The following RNLS variants were observed in gnomAD, a reference collection of about 807,000 sequenced individuals.
RNLS encodes the protein renalase, FAD dependent amine oxidase.
RNLS carries 39 observed loss-of-function variants against 39.8 expected under a neutral mutation model. The observed-to-expected ratio is 0.98, with a 90% confidence interval of 0.76 to 1.28. RNLS has a LOEUF of 1.28. Among genes scored for constraint, RNLS ranks in the 50% most tolerant of loss-of-function variants. The pLI, the probability that RNLS is intolerant of heterozygous loss-of-function variation, is 0.00. For missense variants in RNLS, 410 were observed against 413.3 expected (o/e 0.99, Z 0.07); for synonymous variants, 147 against 150.7 (o/e 0.98, Z 0.18).
the RNLS span, among the ~76,000 whole-genome samples, chr10:88,237,660 G>A: frequency 6.6e-6 from 1 of 152,132 alleles, no homozygotes; most frequent in East Asian, 1.9e-4. Context: ...AAGTAGCAGA[G>A]AATGATGCTT....
At chr10:88,340,811 C>T (rs948888394) in intron 5 of RNLS, among the ~76,000 whole-genome samples, 9 of 152,158 alleles carry the variant, frequency 5.9e-5, no homozygotes, top group Non-Finnish European at 1.2e-4. Context: ...CCTGTAATCC[C>T]AGCACTTTGG....
the RNLS span, among the ~76,000 whole-genome samples, chr10:88,174,394 G>C: frequency 1.3e-5 from 2 of 151,892 alleles, no homozygotes; most frequent in African/African-American, 4.8e-5. Flanking sequence ...GTTAGCTGTG[G>C]GTTTGTCATA....
At chr10:88,506,193 A>G (rs1845783260) in intron 4 of RNLS, among the ~76,000 whole-genome samples, 1 of 152,130 alleles carries the variant, frequency 6.6e-6, no homozygotes, top group African/African-American at 2.4e-5. Context: ...ACAAAGAACA[A>G]AAAAAGCAGA....
At chr10:88,208,357 C>T in the RNLS span, among the ~76,000 whole-genome samples, 2 of 151,854 alleles carry the variant, frequency 1.3e-5, no homozygotes, top group East Asian at 3.9e-4. Flanking sequence ...TCTCCATACC[C>T]CAGAACTTAG....
downstream of RNLS, among the ~76,000 whole-genome samples, chr10:88,281,177 C>T (rs1178551952): frequency 6.6e-6 from 1 of 152,180 alleles, no homozygotes; most frequent in Non-Finnish European, 1.5e-5. Flanking sequence ...TCTCCTGCCA[C>T]AGACCTCTTT....
chr10:88,171,963 G>C, the RNLS span, among the ~76,000 whole-genome samples: 1 of 152,066 alleles, frequency 6.6e-6, no homozygotes, highest in Non-Finnish European at 1.5e-5. Flanking sequence ...TCCAGGCTTG[G>C]CCATATTGTG....
intron 4 of RNLS, among the ~76,000 whole-genome samples, chr10:88,520,177 A>G (rs112008496): frequency 5.3e-5 from 8 of 152,060 alleles, no homozygotes; most frequent in African/African-American, 1.9e-4. Flanking sequence ...CTTTAGTGAG[A>G]AGTTCTTTGT....
In RNLS at chr10:88,480,458, G is replaced by A. The variant is rs112198496; in HGVS notation, c.526+92445C>T. On this transcript the variant is annotated intron_variant, in intron 4 of 6. Coordinates refer to ENST00000331772, the MANE Select transcript of RNLS (RefSeq NM_001031709.3). ...TTTTTTGAGACGGAGTCTCACTCTTGTTGCCTAGGCGGGAGTGCAATGGTG... is the reference window on the plus strand; with the variant it reads ...TTTTTTGAGACGGAGTCTCACTCTTATTGCCTAGGCGGGAGTGCAATGGTG... Among the ~76,000 whole-genome samples, 404 of 152,326 alleles carry A rather than the reference G, an allele frequency of 2.7e-3. 2 individuals carry two copies. The highest frequency in any genetic ancestry group is 8.9e-3 in the African/African-American group (371 of 41,578).
rs59527333 is a variant in RNLS, at chr10:88,330,070, G to GATATATATATATATATATAT, written c.701-15449_701-15430dup. On this transcript the variant is annotated intron_variant, in intron 5 of 6. Coordinates refer to ENST00000331772, the MANE Select transcript of RNLS (RefSeq NM_001031709.3). ...TTGCATGGTTTTCTGTCTGTTTTGA[G>GATATATATATATATATATAT]ATATATATATATATATATATAAATA... Among the ~76,000 whole-genome samples the GATATATATATATATATATAT allele has an allele frequency of 6.4e-5, 9 of 140,524 alleles. No individual in the cohort carries two copies. In the South Asian group the frequency reaches 1.1e-3, roughly 17 times the overall value. The allele number at this position is 140,524 out of a possible 152,430, so 92.2% of individuals were successfully genotyped here.
At chr10:88,210,605 T>C in the RNLS span, among the ~76,000 whole-genome samples, 1 of 152,146 alleles carries the variant, frequency 6.6e-6, no homozygotes, top group African/African-American at 2.4e-5. Context: ...CACAGAACAA[T>C]TGTAACATTT....
chr10:88,189,808 TG>T, the RNLS span, among the ~76,000 whole-genome samples: 1 of 152,238 alleles, frequency 6.6e-6, no homozygotes, highest in Non-Finnish European at 1.5e-5. Context: ...AGCGAAGCAC[TG>T]GGGGATGAAA....
intron 4 of RNLS, among the ~76,000 whole-genome samples, chr10:88,427,225 G>T (rs1033945386): frequency 2.6e-5 from 4 of 151,954 alleles, no homozygotes; most frequent in African/African-American, 4.8e-5. Flanking sequence ...ATTACCTTAT[G>T]GTTATCAGCC....
intron 4 of RNLS, among the ~76,000 whole-genome samples, chr10:88,458,191 A>C (rs1230572423): frequency 6.6e-6 from 1 of 152,206 alleles, no homozygotes; most frequent in East Asian, 1.9e-4. Context: ...AGTAGGTTTC[A>C]AATTGTTCTC....
At position 88,517,811 on chromosome 10, in the gene RNLS, T is replaced by A. The variant is rs111860759; in HGVS notation, c.526+55092A>T. On this transcript the variant is annotated intron_variant, in intron 4 of 6. Coordinates refer to ENST00000331772, the MANE Select transcript of RNLS (RefSeq NM_001031709.3). ...ATTTTTCCACCTAACCAAATCTGAC[T>A]GCCAACACCAGAAGGTTTGGAGAGA... 4.0e-3 allele frequency among the ~76,000 whole-genome samples: 607 copies of A among 152,002 alleles called. 5 individuals carry two copies. The highest frequency in any genetic ancestry group is 6.1e-3 in the Non-Finnish European group (416 of 67,850).
chr10:88,309,225 G>A (rs1222755284), intron 6 of RNLS, among the ~76,000 whole-genome samples: 1 of 151,956 alleles, frequency 6.6e-6, no homozygotes, highest in East Asian at 1.9e-4. Context: ...AAACCCCTAT[G>A]ATACAAATTT....
Position 88,578,147 on chromosome 10 carries a change from C to T in RNLS, c.367+3420G>A, listed in dbSNP as rs144478725. 1.3e-3 allele frequency among the ~76,000 whole-genome samples: 204 copies of T among 152,274 alleles called. 1 individual carries two copies. The Middle Eastern group carries it at 0.017, about 13-fold the overall frequency. On this transcript the variant is annotated intron_variant, in intron 3 of 6. Transcript: ENST00000331772. ...AAGAGATTACTATGTGACTGGCTTACTACTTGCTTGAATTTGAGTGCATTA... is the reference window on the plus strand; with the variant it reads ...AAGAGATTACTATGTGACTGGCTTATTACTTGCTTGAATTTGAGTGCATTA...
At chr10:88,391,363 T>G (rs1450796163) in intron 4 of RNLS, among the ~76,000 whole-genome samples, 4 of 152,072 alleles carry the variant, frequency 2.6e-5, no homozygotes, top group Admixed American at 6.5e-5. Context: ...GCCGAGACCA[T>G]CCTGGCCAAC....
At chr10:88,505,473 C>T (rs1845737981) in intron 4 of RNLS, among the ~76,000 whole-genome samples, 1 of 144,424 alleles carries the variant, frequency 6.9e-6, no homozygotes, top group Non-Finnish European at 1.5e-5. Context: ...GAAGGAGAGA[C>T]AGAAAGAGAG....
At chr10:88,340,830 G>A (rs572123961) in intron 5 of RNLS, among the ~76,000 whole-genome samples, 1 of 152,088 alleles carries the variant, frequency 6.6e-6, no homozygotes, top group Non-Finnish European at 1.5e-5. Context: ...GGGAGGCCGA[G>A]GCGGGCAGAT....
Sources: allele counts gnomAD v4.1 joint callset (sites outside exome capture counted in the v4.1 genomes callset), GRCh38; gene constraint gnomAD v4.1.1; transcripts MANE v1.5; gene names NCBI Gene and HGNC (gene_info 2026-07-23, HGNC 2026-07-21).